The following TFAP2E variants were observed in gnomAD, a reference collection of about 807,000 sequenced individuals.
The protein encoded by TFAP2E is transcription factor AP-2-epsilon.
TFAP2E carries 30 observed loss-of-function variants against 37.9 expected under a neutral mutation model. The observed-to-expected ratio is 0.79, with a 90% CI of 0.59 to 1.07. The LOEUF (loss-of-function observed/expected upper bound fraction) is 1.07. Among genes scored for constraint, TFAP2E ranks in the 50% least tolerant of loss-of-function variants. TFAP2E has a pLI of 0.00. For missense variants in TFAP2E, 567 were observed against 637.9 expected (o/e 0.89, Z 1.20); for synonymous variants, 318 against 295.8 (o/e 1.08, Z -0.77).
rs573182205 is a variant in TFAP2E at position 35,590,933 on chromosome 1, C to T, written c.1046+158C>T. The stretch of plus-strand genomic sequence containing the variant: ...AGCAGTGGGCACACACACATACGTG[C>T]GCACCACTGTGTACATCAGCAGTGA... On this transcript the variant is annotated intron_variant, in intron 6 of 6. Transcript: ENST00000373235. This position sits in a 1 kb window ranked among gnomAD's most constrained non-coding sequence, Gnocchi z 6.2. Among the ~76,000 whole-genome samples, 4 of 152,208 alleles carry T rather than the reference C, an allele frequency of 2.6e-5. No homozygotes were observed. Among genetic ancestry groups the T allele is most frequent in the Non-Finnish European group, 4.4e-5 (3 of 67,986 alleles).
Position 35,594,401 on chromosome 1 carries a change from T to C in TFAP2E, c.1054T>C (p.Cys352Arg), listed in dbSNP as rs1649770964. Reference protein sequence around the residue: ...KSMLLAAKQICKEFADLMAQD... With the variant: ...KSMLLAAKQIRKEFADLMAQD... ...CCCTCCTTCTCGCACCAGGCAGATCTGCAAGGAGTTTGCAGACTTGATGGC... is the reference window on the plus strand; with the variant it reads ...CCCTCCTTCTCGCACCAGGCAGATCCGCAAGGAGTTTGCAGACTTGATGGC... Residue 352 changes from cysteine to arginine, a missense_variant, in exon 7 of 7, where the codon TGC (cysteine) becomes CGC (arginine). This residue lies in a region of TFAP2E where 252 missense variants were observed against 302.6 expected (regional missense o/e 0.83). Transcript: ENST00000373235. 1 of 1,613,254 alleles carries C rather than the reference T, an allele frequency of 6.2e-7. No homozygotes were observed. Among genetic ancestry groups the C allele is most frequent in the Non-Finnish European group, 8.5e-7 (1 of 1,179,866 alleles).
Position 35,577,904 on chromosome 1 carries a change from T to C in TFAP2E, c.562+2904T>C, listed in dbSNP as rs1335511719. On this transcript the variant is annotated intron_variant, in intron 3 of 6. Transcript: ENST00000373235. The surrounding 1 kb of genome is among the most constrained non-coding windows in gnomAD (Gnocchi z 6.3). ...CTAGGAGTATAAGGGAGCCCTCCAT[T>C]TCCTGCCCACATTTGTCACCTCCAG... Among the ~76,000 whole-genome samples the C allele has an allele frequency of 6.6e-6, 1 of 152,158 alleles. No individual in the cohort carries two copies. The highest frequency in any genetic ancestry group is 1.5e-5 in the Non-Finnish European group (1 of 68,020).
Position 35,577,566 on chromosome 1 carries a change from A to G in TFAP2E, c.562+2566A>G. ...TACAGTGCCTCCCAGCCTGGGCGGG[A>G]GCGGCGGCTGCGTCGCTGAAGGTTG... On this transcript the variant is annotated intron_variant, in intron 3 of 6. Transcript: ENST00000373235. This position sits in a 1 kb window ranked among gnomAD's most constrained non-coding sequence, Gnocchi z 6.3. 1 of 386,790 alleles carries G rather than the reference A, an allele frequency of 2.6e-6. No individual in the cohort carries two copies. Among genetic ancestry groups the G allele is most frequent in the South Asian group, 1.7e-5 (1 of 57,342 alleles). The allele number at this position is 386,790 out of a possible 1,614,324, so 24.0% of individuals were successfully genotyped here.
intron 3 of TFAP2E, among the ~76,000 whole-genome samples, chr1:35,583,626 G>T (rs1440136128): frequency 6.6e-6 from 1 of 151,924 alleles, no homozygotes; most frequent in African/African-American, 2.4e-5. Context: ...GTGTGTGTGT[G>T]TGTGTGTGTG....
At position 35,594,531 on chromosome 1, in the gene TFAP2E, G is replaced by T. The variant is rs1649774986; in HGVS notation, c.1184G>T (p.Gly395Val). ...HFSLITHGFGGPAICAALTAF... is the reference protein window; with the variant it reads ...HFSLITHGFGVPAICAALTAF... ...AGCCTCATCACCCATGGCTTCGGTG[G>T]GCCTGCCATCTGTGCTGCCCTCACT... The change falls in exon 7 of 7, where the codon GGG (glycine) becomes GTG (valine). Residue 395 changes from glycine to valine, a missense_variant. Coordinates refer to ENST00000373235, the MANE Select transcript of TFAP2E (RefSeq NM_178548.4). 1.9e-6 allele frequency: 3 copies of T among 1,614,062 alleles called. No homozygotes were observed. Among genetic ancestry groups the T allele is most frequent in the African/African-American group, 1.3e-5 (1 of 74,914 alleles).
intron 3 of TFAP2E, among the ~76,000 whole-genome samples, chr1:35,587,636 C>CAA (rs553131997): frequency 0.05 from 2,567 of 51,276 alleles, 194 homozygotes; most frequent in African/African-American, 0.13. Context: ...GACTCCATCT[C>CAA]AAAAAAAAAA....
At chr1:35,585,186 G>A (rs1649451651) in intron 3 of TFAP2E, among the ~76,000 whole-genome samples, 1 of 152,118 alleles carries the variant, frequency 6.6e-6, no homozygotes, top group African/African-American at 2.4e-5. Context: ...CACACCCTGG[G>A]AGTCACTACA....
chr1:35,574,410 G>T lies in TFAP2E; in HGVS notation c.510+1G>T. The T allele has an allele frequency of 1.4e-6, 2 of 1,423,926 alleles. No homozygotes were observed. The highest frequency in any genetic ancestry group is 1.8e-6 in the Non-Finnish European group (2 of 1,099,222). The allele number at this position is 1,423,926 out of a possible 1,614,324, so 88.2% of individuals were successfully genotyped here. ...GGCCCCCGGTCTGGAGGACCTGCAGGTGAGACCCGAGGGATCCGGGATGGG... is the reference window on the plus strand; with the variant it reads ...GGCCCCCGGTCTGGAGGACCTGCAGTTGAGACCCGAGGGATCCGGGATGGG... On this transcript the variant is annotated splice_donor_variant, in intron 2 of 6. Coordinates refer to ENST00000373235, the MANE Select transcript of TFAP2E (RefSeq NM_178548.4). LOFTEE classifies it high-confidence loss of function.
Position 35,575,992 on chromosome 1 carries a change from T to C in TFAP2E, c.562+992T>C, listed in dbSNP as rs72659627. On this transcript the variant is annotated intron_variant, in intron 3 of 6. Coordinates refer to ENST00000373235, the MANE Select transcript of TFAP2E (RefSeq NM_178548.4). ...GCAGAGAGTCAGAGGGGCCCAGGCATTGGGTAGCAGCCTCTTTACATTTGG... is the reference window on the plus strand; with the variant it reads ...GCAGAGAGTCAGAGGGGCCCAGGCACTGGGTAGCAGCCTCTTTACATTTGG... Among the ~76,000 whole-genome samples the C allele has an allele frequency of 5.9e-3, 892 of 152,258 alleles. 8 individuals are homozygous for C. Among genetic ancestry groups the C allele is most frequent in the Middle Eastern group, 0.014 (4 of 292 alleles).
At chr1:35,589,186 C>CTG (rs1491305836) in intron 4 of TFAP2E, among the ~76,000 whole-genome samples, 2 of 133,496 alleles carry the variant, frequency 1.5e-5, no homozygotes, top group African/African-American at 2.9e-5. Flanking sequence ...GTGTGTCCTG[C>CTG]TCTGTGTGTG....
In TFAP2E at chr1:35,594,486, A is replaced by T. The variant is rs1484664577; in HGVS notation, c.1139A>T (p.Gln380Leu). The change falls in exon 7 of 7, where the codon CAG (glutamine) becomes CTG (leucine). Residue 380 changes from glutamine (Q) to leucine (L), a missense_variant. Physicochemically the swap from Gln to Leu is moderately radical, Grantham distance 113. Around this residue, in one of 3 missense-constraint regions of TFAP2E, gnomAD observed 252 missense variants for 302.6 expected, o/e 0.83. Transcript: ENST00000373235. ...GCACTCATCCTGGAGCCCGGAGTAC[A>T]GAGCTGCTTGACACACTTTAGCCTC... ...RPALILEPGV[Q>L]SCLTHFSLIT... The T allele has an allele frequency of 6.2e-7, 1 of 1,614,218 alleles. No individual in the cohort carries two copies. The highest frequency in any genetic ancestry group is 1.7e-5 in the Admixed American group (1 of 60,030).
Position 35,594,374 on chromosome 1 carries a change from G to T in TFAP2E, c.1047-20G>T, listed in dbSNP as rs1231850228. 2.5e-6 allele frequency: 4 copies of T among 1,607,328 alleles called. No individual in the cohort carries two copies. The highest frequency in any genetic ancestry group is 3.4e-6 in the Non-Finnish European group (4 of 1,178,680). On this transcript the variant is annotated intron_variant, in intron 6 of 6. Coordinates refer to ENST00000373235, the MANE Select transcript of TFAP2E (RefSeq NM_178548.4). ...CTCAGACTTTTGTCCTCCAACCTCT[G>T]ACCCTCCTTCTCGCACCAGGCAGAT...
At chr1:35,593,913 C>T (rs576710143) in intron 6 of TFAP2E, among the ~76,000 whole-genome samples, 1 of 152,318 alleles carries the variant, frequency 6.6e-6, no homozygotes, top group Admixed American at 6.5e-5. Context: ...ATAGTATAGA[C>T]TTGTTATGAA....
rs1292019244 is a variant in TFAP2E, at chr1:35,577,012, C to CAGCGGGACCCCAGCGCT, written c.562+2028_562+2029insTAGCGGGACCCCAGCGC. ...CCCAGCGCCAGCGGGACCCCAGCGC[C>CAGCGGGACCCCAGCGCT]AGCGGGACCCCAGCGCCAGCGGGAC... On this transcript the variant is annotated intron_variant, in intron 3 of 6. Coordinates refer to ENST00000373235, the MANE Select transcript of TFAP2E (RefSeq NM_178548.4). The surrounding 1 kb of genome is among the most constrained non-coding windows in gnomAD (Gnocchi z 6.3). 9.6e-6 allele frequency among the ~76,000 whole-genome samples: 1 copy of CAGCGGGACCCCAGCGCT among 103,642 alleles called. No homozygotes were observed. The highest frequency in any genetic ancestry group is 4.5e-4 in the East Asian group (1 of 2,240). The allele number at this position is 103,642 out of a possible 152,430, so 68.0% of individuals were successfully genotyped here.
rs1649216181 is a variant in TFAP2E at position 35,577,549 on chromosome 1, C to T, written c.562+2549C>T. ...CTGAAGCGTCGGATCCCTACAGTGC[C>T]TCCCAGCCTGGGCGGGAGCGGCGGC... On this transcript the variant is annotated intron_variant, in intron 3 of 6. Coordinates refer to ENST00000373235, the MANE Select transcript of TFAP2E (RefSeq NM_178548.4). The surrounding 1 kb of genome is among the most constrained non-coding windows in gnomAD (Gnocchi z 6.3). 4.9e-6 allele frequency: 2 copies of T among 409,084 alleles called. No homozygotes were observed. Among genetic ancestry groups the T allele is most frequent in the South Asian group, 1.7e-5 (1 of 60,492 alleles). The allele number at this position is 409,084 out of a possible 1,614,324, so 25.3% of individuals were successfully genotyped here. A position where few individuals can be genotyped will look rare whatever the true frequency, so the allele number is the denominator to read the frequency against.
chr1:35,591,765 C>A (rs1342856639), intron 6 of TFAP2E, among the ~76,000 whole-genome samples: 1 of 152,186 alleles, frequency 6.6e-6, no homozygotes, highest in Non-Finnish European at 1.5e-5. Flanking sequence ...CAGCTCACTG[C>A]AACCTCCACC....
chr1:35,585,098 C>G (rs1460984903), intron 3 of TFAP2E, among the ~76,000 whole-genome samples: 1 of 152,036 alleles, frequency 6.6e-6, no homozygotes, highest in African/African-American at 2.4e-5. Flanking sequence ...AAGCTCTGCA[C>G]AGGGGTTGGT....
chr1:35,594,680 C>T lies in TFAP2E; in HGVS notation c.*4C>T. On this transcript the variant is annotated 3_prime_UTR_variant, in exon 7 of 7. Transcript: ENST00000373235. ...GGATGCCAAGCATCGGAAATAACTG[C>T]TTCTCCCACCCCATCCCTAAGGGGC... The T allele has an allele frequency of 6.2e-7, 1 of 1,613,604 alleles. No homozygotes were observed. The highest frequency in any genetic ancestry group is 1.1e-5 in the South Asian group (1 of 91,052).
At chr1:35,595,467 G>T (rs1387288406), downstream of TFAP2E, 2 of 152,242 alleles carry the variant, frequency 1.3e-5, no homozygotes, top group African/African-American at 2.4e-5. Flanking sequence ...TGGGAGGGAA[G>T]AAAGGTGTGT....
Sources: gnomAD v4.1 joint callset for allele counts (sites outside exome capture counted in the v4.1 genomes callset) on GRCh38, gnomAD v4.1.1 for gene constraint, gnomAD v4.1.1 regional missense constraint, Gnocchi (gnomAD v3.1) non-coding constraint, MANE v1.5 for transcripts, NCBI Gene and HGNC (gene_info 2026-07-23, HGNC 2026-07-21) for gene names.